AGMO: variants seen among roughly 807,000 people sequenced by gnomAD.
AGMO encodes the protein alkylglycerol monooxygenase.
AGMO carries 75 observed loss-of-function variants against 60.2 expected under a neutral mutation model. The ratio of observed to expected loss-of-function variants is 1.25; its 90% CI spans 1.03 to 1.51. AGMO has a LOEUF of 1.51. AGMO is among the 40% of genes most tolerant of loss of function. The pLI is 0.00. For synonymous variants in AGMO, 261 were observed against 177.1 expected, an observed-to-expected ratio of 1.47 and a Z score of -3.76; for missense variants, 763 against 525.5, an observed-to-expected ratio of 1.45 and a Z score of -4.42.
rs570573173 is a variant in AGMO at position 15,413,656 on chromosome 7, G to A, written c.609+4902C>T. On this transcript the variant is annotated intron_variant, in intron 5 of 12. Transcript: ENST00000342526. ...AAAAATAAAAGTTTAAAGACAATGAGATAAACTTTTTAAAGTACTGAAAAA... is the reference window on the plus strand; with the variant it reads ...AAAAATAAAAGTTTAAAGACAATGAAATAAACTTTTTAAAGTACTGAAAAA... Among the ~76,000 whole-genome samples the A allele has an allele frequency of 1.3e-4, 20 of 152,082 alleles. 1 individual carries two copies. In the South Asian group the frequency reaches 4.2e-3, roughly 32 times the overall value.
chr7:15,429,798 A>C (rs564020859), intron 4 of AGMO, among the ~76,000 whole-genome samples: 1 of 152,020 alleles, frequency 6.6e-6, no homozygotes, highest in African/African-American at 2.4e-5. Flanking sequence ...ATCTGGTTTC[A>C]AGTACTTGGC....
rs778726957 is a variant in AGMO at position 15,390,765 on chromosome 7, T to C, written c.743-15A>G. On this transcript the variant is annotated splice_polypyrimidine_tract_variant and intron_variant, in intron 7 of 12. Coordinates refer to ENST00000342526, the MANE Select transcript of AGMO (RefSeq NM_001004320.2). Reference sequence around the variant, plus strand: ...TTCAAATGTCCCTGGAAGATAAATATAAAGATATGAGATTTGGCTTCCTGT... The same window carrying C: ...TTCAAATGTCCCTGGAAGATAAATACAAAGATATGAGATTTGGCTTCCTGT... 5 of 1,602,948 alleles carry C rather than the reference T, an allele frequency of 3.1e-6. No individual in the cohort carries two copies. The highest frequency in any genetic ancestry group is 2.2e-5 in the East Asian group (1 of 44,624).
In AGMO at chr7:15,212,321, T is replaced by C. The variant is rs575417392; in HGVS notation, c.1264-10962A>G. ...TGGGACCTACTTCAAAGGTGAATGG[T>C]TGTATAAAAAGAATTACATCGAATC... On this transcript the variant is annotated intron_variant, in intron 12 of 12. Coordinates refer to ENST00000342526, the MANE Select transcript of AGMO (RefSeq NM_001004320.2). 3.7e-4 allele frequency among the ~76,000 whole-genome samples: 55 copies of C among 150,380 alleles called. 2 individuals carry two copies. The highest frequency in any genetic ancestry group is 3.6e-3 in the South Asian group (17 of 4,762).
At chr7:15,353,649 G>T (rs1264981611) in intron 12 of AGMO, among the ~76,000 whole-genome samples, 1 of 152,202 alleles carries the variant, frequency 6.6e-6, no homozygotes, top group East Asian at 1.9e-4. Context: ...GATGATTGCA[G>T]TATGTGTGAA....
At chr7:15,496,395 C>A (rs745905021) in intron 3 of AGMO, among the ~76,000 whole-genome samples, 1 of 152,078 alleles carries the variant, frequency 6.6e-6, no homozygotes, top group East Asian at 1.9e-4. Flanking sequence ...GATAAATATT[C>A]TTTTCAGAGA....
chr7:15,520,653 G>A (rs903316267), intron 3 of AGMO, among the ~76,000 whole-genome samples: 1 of 152,188 alleles, frequency 6.6e-6, no homozygotes, highest in African/African-American at 2.4e-5. Flanking sequence ...AAACCAGTGA[G>A]AACAAAGACA....
intron 2 of AGMO, among the ~76,000 whole-genome samples, chr7:15,557,168 T>C (rs1370753845): frequency 1.3e-5 from 2 of 152,048 alleles, no homozygotes; most frequent in African/African-American, 4.8e-5. Context: ...TTCTTCAAAG[T>C]CTGCACACAA....
At chr7:15,289,073 A>G (rs1784183040) in intron 12 of AGMO, among the ~76,000 whole-genome samples, 1 of 151,844 alleles carries the variant, frequency 6.6e-6, no homozygotes, top group Admixed American at 6.6e-5. Context: ...TATTGTTTTC[A>G]AATCTTAACA....
At chr7:15,359,143 G>A (rs1230778212) in intron 12 of AGMO, among the ~76,000 whole-genome samples, 1 of 151,882 alleles carries the variant, frequency 6.6e-6, no homozygotes, top group Non-Finnish European at 1.5e-5. Flanking sequence ...CACAAAATTA[G>A]CTGGGCATGG....
the AGMO span, among the ~76,000 whole-genome samples, chr7:15,151,281 G>A: frequency 1.6e-4 from 25 of 152,006 alleles, no homozygotes; most frequent in East Asian, 3.9e-4. Context: ...CAAACTTTTC[G>A]TTTCAGTGAT....
chr7:15,149,172 G>C, the AGMO span, among the ~76,000 whole-genome samples: 1 of 151,980 alleles, frequency 6.6e-6, no homozygotes, highest in African/African-American at 2.4e-5. Context: ...GAAGTCATTT[G>C]TTTTGGCTTG....
rs540378890 is a variant in AGMO, at chr7:15,439,571, G to C, written c.410-8463C>G. On this transcript the variant is annotated intron_variant, in intron 3 of 12. Coordinates refer to ENST00000342526, the MANE Select transcript of AGMO (RefSeq NM_001004320.2). ...CAGGGCTCATATCTTATCAGTAGTG[G>C]CTGCAAGTCCCATTTCCATTGTCCT... 1.1e-4 allele frequency among the ~76,000 whole-genome samples: 16 copies of C among 152,224 alleles called. No individual in the cohort carries two copies. In the South Asian group the frequency reaches 2.9e-3, roughly 28 times the overall value.
At chr7:15,326,446 A>G (rs1781341541) in intron 12 of AGMO, among the ~76,000 whole-genome samples, 1 of 152,184 alleles carries the variant, frequency 6.6e-6, no homozygotes, top group African/African-American at 2.4e-5. Flanking sequence ...CTTCCATCAC[A>G]TAAAATACAC....
At chr7:15,526,093 T>G (rs1784122300) in intron 3 of AGMO, among the ~76,000 whole-genome samples, 1 of 152,068 alleles carries the variant, frequency 6.6e-6, no homozygotes, top group African/African-American at 2.4e-5. Context: ...ATGGTGGCCA[T>G]GGGATTCACG....
At chr7:15,478,766 GA>G (rs1782665963) in intron 3 of AGMO, among the ~76,000 whole-genome samples, 2 of 152,148 alleles carry the variant, frequency 1.3e-5, no homozygotes, top group South Asian at 4.1e-4. Context: ...GTTCAGGTCA[GA>G]TAAGATCTTA....
At chr7:15,198,240 A>AGAGAGG (rs1781179930), downstream of AGMO, among the ~76,000 whole-genome samples, 449 of 102,322 alleles carry the variant, frequency 4.4e-3, 14 homozygotes, top group Non-Finnish European at 5.5e-3. Flanking sequence ...AGAGAGAGAG[A>AGAGAGG]GAGAGAGAGA....
intron 5 of AGMO, chr7:15,396,462 G>A (rs1374424428): frequency 1.3e-5 from 2 of 152,232 alleles, no homozygotes; most frequent in African/African-American, 2.4e-5. Flanking sequence ...TTCCGGGTGA[G>A]CATTACAGCT....
the AGMO span, among the ~76,000 whole-genome samples, chr7:15,138,925 A>G: frequency 6.6e-6 from 1 of 152,184 alleles, no homozygotes; most frequent in Non-Finnish European, 1.5e-5. Flanking sequence ...GTGTATTTAT[A>G]TACATTACAT....
At position 15,493,365 on chromosome 7, in the gene AGMO, CTTTTTTTTTTTTT is replaced by C. The variant is rs71004387; in HGVS notation, c.409+51394_409+51406del. Reference sequence around the variant, plus strand: ...CACACACACACACACACACACACTTCTTTTTTTTTTTTTTTTTTTTTTTTTTGAGACGGAGTCT... The same window carrying C: ...CACACACACACACACACACACACTTCTTTTTTTTTTTTTGAGACGGAGTCT... On this transcript the variant is annotated intron_variant, in intron 3 of 12. Coordinates refer to ENST00000342526, the MANE Select transcript of AGMO (RefSeq NM_001004320.2). Among the ~76,000 whole-genome samples the C allele has an allele frequency of 1.1e-4, 7 of 66,654 alleles. 1 individual carries two copies. The highest frequency in any genetic ancestry group is 4.6e-4 in the African/African-American group (7 of 15,078). The allele number at this position is 66,654 out of a possible 152,430, so 43.7% of individuals were successfully genotyped here.
Sources: gnomAD v4.1 joint callset for allele counts (sites outside exome capture counted in the v4.1 genomes callset) on GRCh38, gnomAD v4.1.1 for gene constraint, MANE v1.5 for transcripts, NCBI Gene and HGNC (gene_info 2026-07-23, HGNC 2026-07-21) for gene names.